DGKG: variants seen among roughly 807,000 people sequenced by gnomAD.
The protein encoded by DGKG is diacylglycerol kinase gamma, also known as DAG kinase gamma.
Under a neutral mutation model 105.3 loss-of-function variants are expected in DGKG, and 78 were observed. The observed-to-expected ratio is 0.74, with a 90% CI of 0.62 to 0.89. DGKG has a LOEUF of 0.89. Ranked by LOEUF, DGKG falls within the 40% of genes least tolerant of loss-of-function variation. The pLI is 0.00. For missense variants in DGKG, 958 were observed against 1,020.1 expected, an observed-to-expected ratio of 0.94 and a Z score of 0.83; for synonymous variants, 346 against 367.1, an observed-to-expected ratio of 0.94 and a Z score of 0.66.
chr3:186,348,709 C>A (rs1726480916), intron 1 of DGKG, among the ~76,000 whole-genome samples: 1 of 152,022 alleles, frequency 6.6e-6, no homozygotes, highest in African/African-American at 2.4e-5. Context: ...CCTTGGCCTC[C>A]CCAAGTGCTT....
intron 19 of DGKG, among the ~76,000 whole-genome samples, chr3:186,250,011 C>T (rs915779515): frequency 2.6e-5 from 4 of 152,056 alleles, no homozygotes; most frequent in Admixed American, 6.6e-5. Context: ...GCAGAGGATT[C>T]GTCTGGAGGG....
intron 9 of DGKG, among the ~76,000 whole-genome samples, chr3:186,276,660 A>G (rs992691656): frequency 2.0e-5 from 3 of 152,228 alleles, no homozygotes; most frequent in African/African-American, 4.8e-5. Context: ...AGCCTCACAC[A>G]GTGACACCCA....
chr3:186,153,716 TTCC>T (rs1223955429), intron 24 of DGKG, among the ~76,000 whole-genome samples: 1 of 152,260 alleles, frequency 6.6e-6, no homozygotes, highest in African/African-American at 2.4e-5. Flanking sequence ...GAGGGACTTC[TTCC>T]TGAATGTTGC....
At chr3:186,354,321 G>T (rs1283268340) in intron 1 of DGKG, among the ~76,000 whole-genome samples, 1 of 152,212 alleles carries the variant, frequency 6.6e-6, no homozygotes, top group Non-Finnish European at 1.5e-5. Context: ...AACATTTCAA[G>T]TATTTCAGCA....
chr3:186,270,970 G>A (rs138041707), intron 11 of DGKG, among the ~76,000 whole-genome samples: 39 of 152,360 alleles, frequency 2.6e-4, no homozygotes, highest in African/African-American at 8.4e-4. Context: ...CCCGGTGAAA[G>A]GCATGGACAT....
intron 1 of DGKG, among the ~76,000 whole-genome samples, chr3:186,343,171 G>C (rs1726165004): frequency 6.6e-6 from 1 of 152,136 alleles, no homozygotes; most frequent in African/African-American, 2.4e-5. Context: ...TTGTGAACGA[G>C]GATTACCAGA....
chr3:186,162,945 C>T (rs1323876610), intron 23 of DGKG, among the ~76,000 whole-genome samples: 1 of 152,156 alleles, frequency 6.6e-6, no homozygotes, highest in African/African-American at 2.4e-5. Flanking sequence ...GGAATACTCT[C>T]CCCAGAGGAG....
chr3:186,346,727 T>C lies in DGKG; in HGVS notation c.-249+15219A>G, dbSNP rs553028865. 7.2e-5 allele frequency among the ~76,000 whole-genome samples: 11 copies of C among 151,758 alleles called. 1 individual carries two copies. In the South Asian group the frequency reaches 2.1e-3, roughly 29 times the overall value. ...CTGCCAGAACAAGTTCTACATTTTT[T>C]GAAATGTATCATAATTTTTTTACGA... is the stretch of plus-strand genomic sequence containing the variant. On this transcript the variant is annotated intron_variant, in intron 1 of 24. Transcript: ENST00000265022.
Position 186,327,350 on chromosome 3 carries a change from TCTCCTC to T in DGKG, c.-248-6649_-248-6644del, listed in dbSNP as rs529028348. On this transcript the variant is annotated intron_variant, in intron 1 of 24. Coordinates refer to ENST00000265022, the MANE Select transcript of DGKG (RefSeq NM_001346.3). Reference sequence around the variant, plus strand: ...TCTTATTTCCCCCTTTCCTCCTCCTTCTCCTCCTCCTCCTCCTCCTCCTTATTCTTT... The same window carrying T: ...TCTTATTTCCCCCTTTCCTCCTCCTTCTCCTCCTCCTCCTCCTTATTCTTT... 9.3e-4 allele frequency among the ~76,000 whole-genome samples: 139 copies of T among 150,162 alleles called. No homozygotes were observed. In the Middle Eastern group the frequency reaches 0.01, roughly 11 times the overall value.
chr3:186,295,106 G>T lies in DGKG; in HGVS notation c.373+2315C>A, dbSNP rs139963662. 1.6e-4 allele frequency among the ~76,000 whole-genome samples: 24 copies of T among 152,300 alleles called. No individual in the cohort carries two copies. In the East Asian group the frequency reaches 4.2e-3, roughly 27 times the overall value. On this transcript the variant is annotated intron_variant, in intron 5 of 24. Coordinates refer to ENST00000265022, the MANE Select transcript of DGKG (RefSeq NM_001346.3). Reference sequence around the variant, plus strand: ...CTCTTTTTGCTGTGACAGGAGAAAAGATTAGAACTACATTGAAGAAACTCT... The same window carrying T: ...CTCTTTTTGCTGTGACAGGAGAAAATATTAGAACTACATTGAAGAAACTCT...
intron 20 of DGKG, among the ~76,000 whole-genome samples, chr3:186,235,797 G>A (rs1299325816): frequency 6.6e-6 from 1 of 152,122 alleles, no homozygotes; most frequent in Non-Finnish European, 1.5e-5. Flanking sequence ...TGGTGGGTGA[G>A]GGGAAAGAAG....
At chr3:186,304,231 C>G (rs759923941) in intron 3 of DGKG, among the ~76,000 whole-genome samples, 2 of 152,332 alleles carry the variant, frequency 1.3e-5, no homozygotes, top group Non-Finnish European at 2.9e-5. Flanking sequence ...GCTTTGTTCC[C>G]GTGTTTTTGG....
Position 186,332,036 on chromosome 3 carries a change from T to C in DGKG, c.-248-11329A>G, listed in dbSNP as rs564762074. Among the ~76,000 whole-genome samples, 4 of 152,174 alleles carry C rather than the reference T, an allele frequency of 2.6e-5. No homozygotes were observed. The South Asian group carries it at 6.2e-4, about 24-fold the overall frequency. ...TTGTTCAAAGCTCATGGTAACATCTTTGGATGAATGAGTGCTGAGTACCTA... is the reference window on the plus strand; with the variant it reads ...TTGTTCAAAGCTCATGGTAACATCTCTGGATGAATGAGTGCTGAGTACCTA... On this transcript the variant is annotated intron_variant, in intron 1 of 24. Transcript: ENST00000265022.
intron 1 of DGKG, among the ~76,000 whole-genome samples, chr3:186,323,787 A>ATTAGCC (rs1478330339): frequency 6.6e-6 from 1 of 152,074 alleles, no homozygotes; most frequent in Non-Finnish European, 1.5e-5. Flanking sequence ...ACACAAAAAA[A>ATTAGCC]TTAGCCAGGC....
At position 186,149,052 on chromosome 3, in the gene DGKG, A is replaced by C. The variant is rs1715635056; in HGVS notation, c.*1038T>G. On this transcript the variant is annotated 3_prime_UTR_variant, in exon 25 of 25. Coordinates refer to ENST00000265022, the MANE Select transcript of DGKG (RefSeq NM_001346.3). ...CGCGCACACACGTTAAGACCATCAG[A>C]AGGTCCTTCAGGTCATACTCTGGGA... The C allele has an allele frequency of 6.1e-6, 6 of 983,954 alleles. No homozygotes were observed. The Admixed American group carries it at 3.7e-4, about 61-fold the overall frequency. 61.0% of individuals were successfully genotyped at this position (983,954 alleles called of 1,614,324 possible). A position where few individuals can be genotyped will look rare whatever the true frequency, so the allele number is the denominator to read the frequency against.
chr3:186,259,191 A>T (rs1721629526), intron 16 of DGKG, among the ~76,000 whole-genome samples: 1 of 152,226 alleles, frequency 6.6e-6, no homozygotes, highest in South Asian at 2.1e-4. Context: ...TGCGCATGAG[A>T]GACCCTCAGG....
chr3:186,327,407 G>A (rs1463725780), intron 1 of DGKG, among the ~76,000 whole-genome samples: 2 of 142,102 alleles, frequency 1.4e-5, no homozygotes, highest in African/African-American at 5.3e-5. Flanking sequence ...TTTTTTTTGA[G>A]GCGTGGTTTC....
At chr3:186,271,478 G>A (rs138255551) in intron 11 of DGKG, among the ~76,000 whole-genome samples, 286 of 152,030 alleles carry the variant, frequency 1.9e-3, no homozygotes, top group African/African-American at 6.2e-3. Flanking sequence ...CACCCCAGTC[G>A]GGCCCTCAGC....
At chr3:186,173,505 G>T (rs1029612703) in intron 22 of DGKG, among the ~76,000 whole-genome samples, 1 of 152,236 alleles carries the variant, frequency 6.6e-6, no homozygotes, top group East Asian at 1.9e-4. Flanking sequence ...GAGCTGTCAG[G>T]CCTCTTTGCA....
Sources: gnomAD v4.1 joint callset for allele counts (sites outside exome capture counted in the v4.1 genomes callset) on GRCh38, gnomAD v4.1.1 for gene constraint, MANE v1.5 for transcripts, NCBI Gene and HGNC (gene_info 2026-07-23, HGNC 2026-07-21) for gene names.